The following ZCWPW2 variants were observed in gnomAD, a reference collection of about 807,000 sequenced individuals.
ZCWPW2 encodes the protein zinc finger CW-type PWWP domain protein 2.
Under a neutral mutation model 46.6 loss-of-function variants are expected in ZCWPW2, and 45 were observed. The ratio of observed to expected loss-of-function variants is 0.96; its 90% CI spans 0.76 to 1.24. ZCWPW2 has a LOEUF of 1.24. Ranked by LOEUF, ZCWPW2 falls within the 50% of genes most tolerant of loss-of-function variation. ZCWPW2 has a pLI of 0.00. For missense variants in ZCWPW2, 429 were observed against 403.9 expected (o/e 1.06, Z -0.53); for synonymous variants, 152 against 137.1 (o/e 1.11, Z -0.76).
At chr3:28,468,831 A>G (rs1698927879) in intron 4 of ZCWPW2, among the ~76,000 whole-genome samples, 1 of 152,198 alleles carries the variant, frequency 6.6e-6, no homozygotes, top group African/African-American at 2.4e-5. Flanking sequence ...GAGTACTTCA[A>G]TCAGAAAGAA....
chr3:28,447,969 G>A, intron 4 of ZCWPW2: 1 of 626,042 alleles, frequency 1.6e-6, no homozygotes, highest in Non-Finnish European at 2.9e-6. Flanking sequence ...GTGTTTCCAT[G>A]TGTGCTAAAT....
chr3:28,501,150 T>C (rs1700132021), intron 6 of ZCWPW2, among the ~76,000 whole-genome samples: 1 of 152,120 alleles, frequency 6.6e-6, no homozygotes, highest in Non-Finnish European at 1.5e-5. Flanking sequence ...ATCTTATCTA[T>C]GAAATAGAAG....
intron 4 of ZCWPW2, among the ~76,000 whole-genome samples, chr3:28,463,278 A>C (rs932697170): frequency 6.6e-6 from 1 of 152,106 alleles, no homozygotes; most frequent in African/African-American, 2.4e-5. Context: ...TAAGGATATA[A>C]TATCCTTTCT....
At chr3:28,376,806 C>CTAACCTTT (rs1450414033) in intron 1 of ZCWPW2, among the ~76,000 whole-genome samples, 2 of 152,072 alleles carry the variant, frequency 1.3e-5, no homozygotes, top group African/African-American at 4.8e-5. Context: ...TGATAACTCC[C>CTAACCTTT]TAACCTTTTT....
chr3:28,388,047 G>C (rs561666006), intron 1 of ZCWPW2, among the ~76,000 whole-genome samples: 6 of 152,230 alleles, frequency 3.9e-5, no homozygotes, highest in African/African-American at 1.4e-4. Flanking sequence ...GCAGGCTGGA[G>C]ACAGAAAAGA....
At chr3:28,474,150 T>A (rs995120359) in intron 4 of ZCWPW2, among the ~76,000 whole-genome samples, 2 of 152,150 alleles carry the variant, frequency 1.3e-5, no homozygotes, top group Non-Finnish European at 2.9e-5. Context: ...TATATACACC[T>A]ACTATGTACC....
At chr3:28,405,001 T>C (rs1696102302) in intron 2 of ZCWPW2, among the ~76,000 whole-genome samples, 1 of 152,086 alleles carries the variant, frequency 6.6e-6, no homozygotes, top group South Asian at 2.1e-4. Context: ...TGTAACCAAA[T>C]ACCACCTGTT....
In ZCWPW2 at chr3:28,381,031, ATATATATATATATTTGGTG is replaced by A. The variant is rs1695075015; in HGVS notation, c.-133-9453_-133-9435del. Among the ~76,000 whole-genome samples the A allele has an allele frequency of 1.5e-4, 6 of 39,478 alleles. 3 individuals are homozygous for A. Among genetic ancestry groups the A allele is most frequent in the African/African-American group, 6.0e-4 (6 of 10,054 alleles). The allele number at this position is 39,478 out of a possible 152,430, so 25.9% of individuals were successfully genotyped here. A position where few individuals can be genotyped will look rare whatever the true frequency, so the allele number is the denominator to read the frequency against. Reference sequence around the variant, plus strand: ...ATATATATATATATATTTGGTATATATATATATATATATTTGGTGTATATATATATATATATATATATAT... The same window carrying A: ...ATATATATATATATATTTGGTATATATATATATATATATATATATATATAT... On this transcript the variant is annotated intron_variant, in intron 1 of 9. Transcript: ENST00000383768.
intron 8 of ZCWPW2, among the ~76,000 whole-genome samples, chr3:28,516,236 A>G (rs912315692): frequency 6.7e-6 from 1 of 150,260 alleles, no homozygotes; most frequent in South Asian, 2.1e-4. Flanking sequence ...CAACAGAATG[A>G]CAGAACAAGA....
intron 6 of ZCWPW2, among the ~76,000 whole-genome samples, chr3:28,497,323 C>A (rs946843401): frequency 3.3e-5 from 5 of 151,236 alleles, no homozygotes; most frequent in African/African-American, 1.2e-4. Context: ...ATATATGTTA[C>A]TCTATAGATT....
intron 1 of ZCWPW2, among the ~76,000 whole-genome samples, chr3:28,360,913 T>C (rs1704917989): frequency 6.6e-6 from 1 of 151,940 alleles, no homozygotes; most frequent in African/African-American, 2.4e-5. Flanking sequence ...TATAAACCAA[T>C]AAAATTAGAA....
At chr3:28,362,971 A>C (rs777959934) in intron 1 of ZCWPW2, among the ~76,000 whole-genome samples, 1 of 151,868 alleles carries the variant, frequency 6.6e-6, no homozygotes, top group Non-Finnish European at 1.5e-5. Flanking sequence ...CAGAAAACCA[A>C]ATACCACATG....
At chr3:28,431,806 A>T (rs1237643170) in intron 3 of ZCWPW2, among the ~76,000 whole-genome samples, 2 of 152,164 alleles carry the variant, frequency 1.3e-5, no homozygotes, top group Non-Finnish European at 2.9e-5. Flanking sequence ...TTGTTCTCAC[A>T]CTGCTAATAA....
chr3:28,465,096 T>C lies in ZCWPW2; in HGVS notation c.493-13718T>C, dbSNP rs538524720. ...AGATAATTTTTCTAAATGTAGTTTTTACCTTAGTTTTACCTTATTTATAAA... is the reference window on the plus strand; with the variant it reads ...AGATAATTTTTCTAAATGTAGTTTTCACCTTAGTTTTACCTTATTTATAAA... On this transcript the variant is annotated intron_variant, in intron 4 of 9. Transcript: ENST00000383768. Among the ~76,000 whole-genome samples, 11 of 152,364 alleles carry C rather than the reference T, an allele frequency of 7.2e-5. No homozygotes were observed. In the East Asian group the frequency reaches 1.5e-3, roughly 21 times the overall value.
intron 4 of ZCWPW2, among the ~76,000 whole-genome samples, chr3:28,462,370 G>T (rs1045668799): frequency 3.3e-5 from 5 of 152,190 alleles, no homozygotes; most frequent in African/African-American, 1.2e-4. Flanking sequence ...GTGTTGGGCT[G>T]CCTAACTTCG....
chr3:28,349,564 T>TTGCA (rs1704453118), intron 1 of ZCWPW2, among the ~76,000 whole-genome samples: 1 of 152,080 alleles, frequency 6.6e-6, no homozygotes, highest in South Asian at 2.1e-4. Context: ...GATGCCAGAG[T>TTGCA]ACTGGAGTTG....
At chr3:28,459,741 A>G (rs1299117767) in intron 4 of ZCWPW2, among the ~76,000 whole-genome samples, 5 of 152,170 alleles carry the variant, frequency 3.3e-5, no homozygotes, top group East Asian at 1.9e-4. Context: ...TTTCAGGTCT[A>G]TCACACTGTA....
intron 4 of ZCWPW2, among the ~76,000 whole-genome samples, chr3:28,438,793 A>G (rs1276619725): frequency 1.3e-5 from 2 of 152,152 alleles, no homozygotes; most frequent in Admixed American, 1.3e-4. Flanking sequence ...AGAGTCAAGA[A>G]CATGATGTAT....
At chr3:28,440,315 T>C (rs1431853363) in intron 4 of ZCWPW2, among the ~76,000 whole-genome samples, 1 of 152,198 alleles carries the variant, frequency 6.6e-6, no homozygotes, top group Non-Finnish European at 1.5e-5. Flanking sequence ...TTGTGTCTCC[T>C]GATGGCAGCA....
Sources: gnomAD v4.1 joint callset for allele counts (sites outside exome capture counted in the v4.1 genomes callset) on GRCh38, gnomAD v4.1.1 for gene constraint, MANE v1.5 for transcripts, NCBI Gene and HGNC (gene_info 2026-07-23, HGNC 2026-07-21) for gene names.